The following KANSL1L variants were observed in gnomAD, a reference collection of about 807,000 sequenced individuals.
KANSL1L encodes KAT8 regulatory NSL complex subunit 1 like.
Under a neutral mutation model 108.6 loss-of-function variants are expected in KANSL1L, and 25 were observed. That is an observed-to-expected ratio of 0.23 (90% CI 0.17 to 0.32). KANSL1L has a LOEUF of 0.32. KANSL1L is among the 10% of genes least tolerant of loss of function. The probability of loss-of-function intolerance (pLI) is 1.00; values close to 1 mark genes in which losing one functional copy is unlikely to be tolerated. For missense variants in KANSL1L, 1,137 were observed against 1,125.7 expected, an observed-to-expected ratio of 1.01 and a Z score of -0.14; for synonymous variants, 405 against 395.1, an observed-to-expected ratio of 1.03 and a Z score of -0.30.
chr2:210,023,905 C>A (rs1444222560), intron 14 of KANSL1L, 128 bp downstream of exon 14: 5 of 559,316 alleles, frequency 8.9e-6, no homozygotes, highest in Non-Finnish European at 3.0e-6. Flanking sequence ...CAATACAGAT[C>A]TTCTATACCT....
chr2:210,070,224 CTTTTTTTTTT>C (rs71043971), intron 6 of KANSL1L, among the ~76,000 whole-genome samples: 47 of 77,570 alleles, frequency 6.1e-4, no homozygotes, highest in African/African-American at 2.7e-3. Flanking sequence ...TTTCTCCGTT[CTTTTTTTTTT>C]TTTTTTTTTT....
chr2:210,140,403 G>GA (rs1456767474), intron 2 of KANSL1L, among the ~76,000 whole-genome samples: 9 of 152,256 alleles, frequency 5.9e-5, no homozygotes, highest in African/African-American at 2.2e-4. Flanking sequence ...CAACACTGTT[G>GA]AAAAGACTAT....
chr2:210,049,561 G>C (rs2094265624), intron 6 of KANSL1L, among the ~76,000 whole-genome samples: 1 of 151,972 alleles, frequency 6.6e-6, no homozygotes. Flanking sequence ...CCAGGAGTTT[G>C]AGTCCAAAGT....
chr2:210,140,512 ATG>A (rs1242151733), intron 2 of KANSL1L, among the ~76,000 whole-genome samples: 4 of 152,188 alleles, frequency 2.6e-5, no homozygotes, highest in Non-Finnish European at 5.9e-5. Flanking sequence ...TCATAGGCAT[ATG>A]TGTGTTTTTA....
rs2125128112 is a variant in KANSL1L, at chr2:210,028,778, T to G, written c.2396+67A>C. On this transcript the variant is annotated intron_variant, in intron 11 of 14. Coordinates refer to ENST00000281772, the MANE Select transcript of KANSL1L (RefSeq NM_152519.4). ...TGCTCCTTTCATTAATTAAAATTCT[T>G]CACTTTGAAAATTTAAGTTTATTAG... is the stretch of plus-strand genomic sequence containing the variant. 4.2e-6 allele frequency: 5 copies of G among 1,187,254 alleles called. No individual in the cohort carries two copies. In the East Asian group the frequency reaches 1.3e-4, roughly 30 times the overall value. The allele number at this position is 1,187,254 out of a possible 1,614,324, so 73.5% of individuals were successfully genotyped here.
chr2:210,023,918 C>T, intron 14 of KANSL1L, 115 bp downstream of exon 14: 1 of 617,536 alleles, frequency 1.6e-6, no homozygotes, highest in South Asian at 2.9e-5. Context: ...CTATACCTAA[C>T]TTATTGAATT....
intron 1 of KANSL1L, among the ~76,000 whole-genome samples, chr2:210,162,070 A>ATAT (rs1553684533): frequency 1.4e-5 from 2 of 141,076 alleles, no homozygotes; most frequent in East Asian, 4.1e-4. Flanking sequence ...ATTTAAAAAA[A>ATAT]AAAAAAATAT....
At position 210,149,335 on chromosome 2, in the gene KANSL1L, A is replaced by C. The variant is rs557170993; in HGVS notation, c.1088+4160T>G. 7.2e-5 allele frequency among the ~76,000 whole-genome samples: 11 copies of C among 152,306 alleles called. No homozygotes were observed. In the South Asian group the frequency reaches 2.3e-3, roughly 32 times the overall value. ...ATAAAAGAGTAGTACACTAATACTCATGTTGCTTAAAATTAAGTTGAAGTC... is the reference window on the plus strand; with the variant it reads ...ATAAAAGAGTAGTACACTAATACTCCTGTTGCTTAAAATTAAGTTGAAGTC... On this transcript the variant is annotated intron_variant, in intron 2 of 14. Coordinates refer to ENST00000281772, the MANE Select transcript of KANSL1L (RefSeq NM_152519.4).
At chr2:210,038,885 C>A (rs183935364) in intron 8 of KANSL1L, among the ~76,000 whole-genome samples, 2 of 151,900 alleles carry the variant, frequency 1.3e-5, no homozygotes, top group Non-Finnish European at 2.9e-5. Flanking sequence ...ATTATACAGA[C>A]TTAAATAATT....
At chr2:210,032,950 A>G (rs1329346506) in intron 8 of KANSL1L, 1 of 152,266 alleles carries the variant, frequency 6.6e-6, no homozygotes, top group Non-Finnish European at 1.5e-5. Flanking sequence ...GAGAAATGTC[A>G]GAAATAGAAA....
Position 210,022,890 on chromosome 2 carries a change from A to G in KANSL1L, c.*59T>C. ...CTGGAGGGGATGGGGGATCCAGAAC[A>G]GGGCTTTATTTCCTCCCATCTTTCC... On this transcript the variant is annotated 3_prime_UTR_variant, in exon 15 of 15. Coordinates refer to ENST00000281772, the MANE Select transcript of KANSL1L (RefSeq NM_152519.4). The G allele has an allele frequency of 1.7e-6, 2 of 1,164,670 alleles. No individual in the cohort carries two copies. The highest frequency in any genetic ancestry group is 3.0e-5 in the African/African-American group (2 of 65,710). The allele number at this position is 1,164,670 out of a possible 1,614,324, so 72.1% of individuals were successfully genotyped here. A position where few individuals can be genotyped will look rare whatever the true frequency, so the allele number is the denominator to read the frequency against.
intron 1 of KANSL1L, among the ~76,000 whole-genome samples, chr2:210,161,869 T>C (rs2095363042): frequency 1.3e-5 from 2 of 151,866 alleles, no homozygotes; most frequent in African/African-American, 2.4e-5. Flanking sequence ...TTGAAAAGCA[T>C]AAAAATTTTT....
intron 4 of KANSL1L, among the ~76,000 whole-genome samples, chr2:210,101,349 T>C (rs1352473671): frequency 6.6e-6 from 1 of 152,198 alleles, no homozygotes. Flanking sequence ...ATTAGGCAGT[T>C]CTGATGTCAT....
chr2:210,130,527 G>A (rs1242190749), intron 2 of KANSL1L, among the ~76,000 whole-genome samples: 11 of 152,078 alleles, frequency 7.2e-5, no homozygotes, highest in Admixed American at 5.2e-4. Flanking sequence ...AAAGGCCACT[G>A]TTTTTAAGGA....
intron 4 of KANSL1L, among the ~76,000 whole-genome samples, chr2:210,099,655 C>T (rs7598431): frequency 0.016 from 2,506 of 152,234 alleles, 66 homozygotes; most frequent in African/African-American, 0.057. Context: ...GTTGGAAACA[C>T]TAAAACATTC....
chr2:210,033,031 CAG>C (rs2094041872), intron 8 of KANSL1L: 1 of 152,112 alleles, frequency 6.6e-6, no homozygotes, highest in Non-Finnish European at 1.5e-5. Context: ...AAATCAAAAT[CAG>C]GGTCTGGAAG....
chr2:210,036,598 A>G (rs962536156), intron 8 of KANSL1L, among the ~76,000 whole-genome samples: 2 of 152,210 alleles, frequency 1.3e-5, no homozygotes, highest in Admixed American at 6.5e-5. Flanking sequence ...AGCACTTAAT[A>G]GTCTGCCTGG....
At chr2:210,072,075 T>C (rs1203424258) in intron 6 of KANSL1L, among the ~76,000 whole-genome samples, 2 of 152,234 alleles carry the variant, frequency 1.3e-5, no homozygotes, top group Non-Finnish European at 2.9e-5. Context: ...ATCAATAGTC[T>C]AGTTTCCTCA....
chr2:210,138,255 G>T (rs2095192767), intron 2 of KANSL1L, among the ~76,000 whole-genome samples: 1 of 151,886 alleles, frequency 6.6e-6, no homozygotes, highest in Non-Finnish European at 1.5e-5. Flanking sequence ...TATAAGTGGG[G>T]GCTAAATATT....
Sources: gnomAD v4.1 joint callset for allele counts (sites outside exome capture counted in the v4.1 genomes callset) on GRCh38, gnomAD v4.1.1 for gene constraint, MANE v1.5 for transcripts, NCBI Gene and HGNC (gene_info 2026-07-23, HGNC 2026-07-21) for gene names.